The following PRKCE variants were observed in gnomAD, a reference collection of about 807,000 sequenced individuals.
PRKCE encodes protein kinase C epsilon, also known as protein kinase C epsilon type.
A neutral mutation model predicts 85.4 loss-of-function variants in PRKCE; 16 were observed. That is an observed-to-expected ratio of 0.19 (90% CI 0.13 to 0.28). The LOEUF is 0.28. Among genes scored for constraint, PRKCE ranks in the 10% least tolerant of loss-of-function variants. The pLI is 1.00. For missense variants in PRKCE, 573 were observed against 975.2 expected (o/e 0.59, Z 5.49); for synonymous variants, 388 against 371.5 (o/e 1.04, Z -0.51).
rs186032752 is a variant in PRKCE at position 46,009,730 on chromosome 2, A to G, written c.1264-614A>G. On this transcript the variant is annotated intron_variant, in intron 9 of 14. Transcript: ENST00000306156. ...AATGCAACTTATATAATACTTAATG[A>G]TTAGATATAACTGAAGTGCCTAATT... Among the ~76,000 whole-genome samples the G allele has an allele frequency of 2.1e-4, 32 of 152,372 alleles. 1 individual carries two copies. Among genetic ancestry groups the G allele is most frequent in the Middle Eastern group, 3.4e-3 (1 of 294 alleles).
intron 1 of PRKCE, among the ~76,000 whole-genome samples, chr2:45,813,925 C>T (rs576612762): frequency 6.6e-6 from 1 of 152,300 alleles, no homozygotes; most frequent in South Asian, 2.1e-4. Flanking sequence ...GAAAGCTAAA[C>T]CTCCAAGACA....
At chr2:46,082,121 A>AG (rs1669137794) in intron 10 of PRKCE, among the ~76,000 whole-genome samples, 1 of 151,974 alleles carries the variant, frequency 6.6e-6, no homozygotes, top group Non-Finnish European at 1.5e-5. Context: ...TAGAGGAGGA[A>AG]GCGGGGTGGG....
In PRKCE at chr2:46,121,285, C is replaced by T. The variant is rs190257702; in HGVS notation, c.1593-23808C>T. Reference sequence around the variant, plus strand: ...CACAGGCAGACAATTTTCATTTCCACCTTGGTGCACCCGTTGTAAAGTAGG... The same window carrying T: ...CACAGGCAGACAATTTTCATTTCCATCTTGGTGCACCCGTTGTAAAGTAGG... On this transcript the variant is annotated intron_variant, in intron 11 of 14. Transcript: ENST00000306156. Among the ~76,000 whole-genome samples the T allele has an allele frequency of 1.6e-3, 250 of 152,292 alleles. 1 individual carries two copies. The highest frequency in any genetic ancestry group is 2.2e-4 in the Non-Finnish European group (15 of 68,028).
rs1487790895 is a variant in PRKCE at position 46,030,631 on chromosome 2, T to G, written c.1437+20114T>G. Among the ~76,000 whole-genome samples the G allele has an allele frequency of 2.0e-5, 3 of 152,244 alleles. No homozygotes were observed. In the East Asian group the frequency reaches 5.8e-4, roughly 29 times the overall value. ...TTTGGGGATGCATAAGATCTAAAGC[T>G]GCTACCTTCAGGGTCTCTGAAATTA... On this transcript the variant is annotated intron_variant, in intron 10 of 14. Coordinates refer to ENST00000306156, the MANE Select transcript of PRKCE (RefSeq NM_005400.3).
intron 10 of PRKCE, among the ~76,000 whole-genome samples, chr2:46,024,632 T>A (rs567458314): frequency 9.6e-4 from 146 of 152,282 alleles, no homozygotes; most frequent in African/African-American, 3.5e-3. Flanking sequence ...GATTTGGGCC[T>A]GAGAAGTTTG....
chr2:45,866,892 T>G, intron 2 of PRKCE, among the ~76,000 whole-genome samples: 1 of 152,208 alleles, frequency 6.6e-6, no homozygotes, highest in East Asian at 1.9e-4. Flanking sequence ...CGTTAATAAT[T>G]GTTGAAGCTG....
chr2:45,865,325 A>G (rs543061347), intron 2 of PRKCE, among the ~76,000 whole-genome samples: 2 of 152,288 alleles, frequency 1.3e-5, no homozygotes, highest in African/African-American at 4.8e-5. Flanking sequence ...AAAAAGAGTC[A>G]TACCCCCAAA....
chr2:45,884,974 TATATATATATATATATA>T (rs1378482414), intron 2 of PRKCE, among the ~76,000 whole-genome samples: 20 of 63,170 alleles, frequency 3.2e-4, no homozygotes, highest in East Asian at 9.9e-3. Flanking sequence ...TATATATATA[TATATATATATATATATA>T]TATATATATA....
At chr2:46,174,900 A>T (rs112038887) in intron 14 of PRKCE, among the ~76,000 whole-genome samples, 1 of 151,854 alleles carries the variant, frequency 6.6e-6, no homozygotes, top group Admixed American at 6.6e-5. Context: ...TATGTGGCCC[A>T]GGCTGGTCTC....
Position 45,907,882 on chromosome 2 carries a change from A to G in PRKCE, c.412+64819A>G, listed in dbSNP as rs1030516276. On this transcript the variant is annotated intron_variant, in intron 2 of 14. Transcript: ENST00000306156. This position sits in a 1 kb window ranked among gnomAD's most constrained non-coding sequence, Gnocchi z 4.5. The stretch of plus-strand genomic sequence containing the variant: ...CCGAGTGCTGAGAACAGTGCCTGGT[A>G]TCTATGTTAAACAAAACGCCTTGTC... Among the ~76,000 whole-genome samples the G allele has an allele frequency of 3.9e-5, 6 of 152,188 alleles. No homozygotes were observed. The highest frequency in any genetic ancestry group is 1.4e-4 in the African/African-American group (6 of 41,452).
intron 2 of PRKCE, among the ~76,000 whole-genome samples, chr2:45,915,630 C>G (rs1285443724): frequency 1.3e-5 from 2 of 152,208 alleles, no homozygotes; most frequent in African/African-American, 4.8e-5. Context: ...TCAAGTATCT[C>G]AAAGTTCTAT....
At chr2:46,118,629 C>G (rs1048910858) in intron 11 of PRKCE, among the ~76,000 whole-genome samples, 1 of 152,102 alleles carries the variant, frequency 6.6e-6, no homozygotes, top group Non-Finnish European at 1.5e-5. Flanking sequence ...AAGGAGGCTC[C>G]CCATGCTGTT....
At chr2:46,026,030 T>C (rs745547913) in intron 10 of PRKCE, among the ~76,000 whole-genome samples, 1 of 152,258 alleles carries the variant, frequency 6.6e-6, no homozygotes, top group African/African-American at 2.4e-5. Flanking sequence ...TCAATAGATA[T>C]GATTCTTGTG....
At chr2:46,043,654 C>T (rs1347906319) in intron 10 of PRKCE, among the ~76,000 whole-genome samples, 3 of 152,064 alleles carry the variant, frequency 2.0e-5, no homozygotes, top group Non-Finnish European at 4.4e-5. Context: ...GGAGATGGAG[C>T]AGGGTTTTAG....
chr2:45,860,150 T>C (rs1310418465), intron 2 of PRKCE, among the ~76,000 whole-genome samples: 1 of 152,220 alleles, frequency 6.6e-6, no homozygotes, highest in East Asian at 1.9e-4. Context: ...TTGTTTATCA[T>C]TGTATCCCCA....
chr2:45,904,501 T>C (rs182571757), intron 2 of PRKCE, among the ~76,000 whole-genome samples: 11 of 152,250 alleles, frequency 7.2e-5, no homozygotes, highest in African/African-American at 2.4e-4. Flanking sequence ...GTCATGTCTC[T>C]GTGCTGGCTC....
At chr2:45,789,457 A>G (rs1686865654) in intron 1 of PRKCE, among the ~76,000 whole-genome samples, 1 of 152,222 alleles carries the variant, frequency 6.6e-6, no homozygotes, top group Non-Finnish European at 1.5e-5. Flanking sequence ...TTTAAATCAT[A>G]TGGGCATGTA....
intron 1 of PRKCE, among the ~76,000 whole-genome samples, chr2:45,817,248 C>T (rs372476159): frequency 2.8e-4 from 42 of 152,154 alleles, no homozygotes; most frequent in African/African-American, 9.2e-4. Flanking sequence ...AATCAGGCTT[C>T]ACAGTTTATC....
intron 6 of PRKCE, among the ~76,000 whole-genome samples, chr2:45,999,718 C>T (rs1215534737): frequency 6.6e-6 from 1 of 151,992 alleles, no homozygotes; most frequent in Non-Finnish European, 1.5e-5. Flanking sequence ...CTTTCTCTTT[C>T]TTCTCGTAGT....
Sources: allele counts gnomAD v4.1 joint callset (sites outside exome capture counted in the v4.1 genomes callset), GRCh38; gene constraint gnomAD v4.1.1; non-coding constraint Gnocchi (gnomAD v3.1); transcripts MANE v1.5; gene names NCBI Gene and HGNC (gene_info 2026-07-23, HGNC 2026-07-21).